The following SLC26A8 variants were observed in gnomAD, a reference collection of about 807,000 sequenced individuals.
The protein encoded by SLC26A8 is solute carrier family 26 member 8, also known as testis anion transporter 1.
A neutral mutation model predicts 105.0 loss-of-function variants in SLC26A8; 70 were observed. The observed-to-expected ratio is 0.67, with a 90% confidence interval of 0.55 to 0.81. The LOEUF is 0.81. Among genes scored for constraint, SLC26A8 ranks in the 40% least tolerant of loss-of-function variants. The pLI is 0.00. For missense variants in SLC26A8, 998 were observed against 1,181.8 expected (o/e 0.84, Z 2.28); for synonymous variants, 415 against 438.3 (o/e 0.95, Z 0.66).
chr6:35,993,659 G>A (rs1398910925), intron 5 of SLC26A8, among the ~76,000 whole-genome samples: 1 of 152,100 alleles, frequency 6.6e-6, no homozygotes, highest in Non-Finnish European at 1.5e-5. Context: ...GGGGAATGGG[G>A]TTAGATGTTG....
intron 5 of SLC26A8, 139 bp downstream of exon 5, chr6:35,997,599 C>T: frequency 1.2e-6 from 1 of 829,372 alleles, no homozygotes; most frequent in Non-Finnish European, 1.8e-6. Flanking sequence ...GCTATTCACA[C>T]AGCCTCTGAT....
intron 19 of SLC26A8, among the ~76,000 whole-genome samples, chr6:35,949,003 A>C (rs909563966): frequency 2.0e-5 from 3 of 152,214 alleles, no homozygotes; most frequent in Non-Finnish European, 4.4e-5. Context: ...TTGATCTTGG[A>C]CTTCTCGCAT....
chr6:36,003,631 C>T (rs536269156), intron 3 of SLC26A8, among the ~76,000 whole-genome samples: 7 of 151,584 alleles, frequency 4.6e-5, no homozygotes, highest in East Asian at 3.9e-4. Context: ...CTTATTTTGG[C>T]GTTTATGATA....
At chr6:36,010,178 T>C (rs148495945) in intron 3 of SLC26A8, among the ~76,000 whole-genome samples, 9 of 152,268 alleles carry the variant, frequency 5.9e-5, no homozygotes, top group African/African-American at 2.2e-4. Flanking sequence ...AGACCAAAAC[T>C]GGAAACAAAA....
intron 5 of SLC26A8, 22 bp downstream of exon 5, chr6:35,997,716 G>A: frequency 6.2e-7 from 1 of 1,610,672 alleles, no homozygotes; most frequent in Non-Finnish European, 8.5e-7. Context: ...CCTTTTCAGG[G>A]ATTTGAAGAC....
intron 16 of SLC26A8, 119 bp from the exon 17 acceptor site, chr6:35,955,639 C>T (rs1005141659): frequency 7.2e-5 from 93 of 1,294,320 alleles, no homozygotes; most frequent in Non-Finnish European, 7.8e-5. Context: ...AAACTTCTCC[C>T]GAGAGTAGGT....
At chr6:36,007,238 G>A (rs1223542234) in intron 3 of SLC26A8, among the ~76,000 whole-genome samples, 1 of 152,070 alleles carries the variant, frequency 6.6e-6, no homozygotes, top group Non-Finnish European at 1.5e-5. Context: ...TTAATTCCAG[G>A]GAATCTACAA....
chr6:36,023,120 C>T (rs1318678670), intron 1 of SLC26A8, among the ~76,000 whole-genome samples: 1 of 151,716 alleles, frequency 6.6e-6, no homozygotes, highest in Non-Finnish European at 1.5e-5. Flanking sequence ...TGTTAAAATA[C>T]AAGCACTTTT....
rs78730900 is a variant in SLC26A8 at position 35,967,324 on chromosome 6, G to A, written c.1365+1553C>T. Among the ~76,000 whole-genome samples, 108 of 152,292 alleles carry A rather than the reference G, an allele frequency of 7.1e-4. 1 individual carries two copies. The East Asian group carries it at 0.019, about 26-fold the overall frequency. On this transcript the variant is annotated intron_variant, in intron 11 of 19. Transcript: ENST00000490799. Reference sequence around the variant, plus strand: ...CAGCTTCAGGGACAGCCACCTCGGTGTGTAACCAAGCTGCTACATCCACAA... The same window carrying A: ...CAGCTTCAGGGACAGCCACCTCGGTATGTAACCAAGCTGCTACATCCACAA...
rs532396044 is a variant in SLC26A8, at chr6:35,949,795, T to TTG, written c.2472+1366_2472+1367dup. 1.7e-3 allele frequency among the ~76,000 whole-genome samples: 263 copies of TTG among 151,714 alleles called. 6 individuals are homozygous for TTG. The South Asian group carries it at 0.024, about 14-fold the overall frequency. Reference sequence around the variant, plus strand: ...TTTTTATTAACTACCAGTTAACTAGTTGTGTGTGTGTGTGTTTTTTTGTTT... The same window carrying TTG: ...TTTTTATTAACTACCAGTTAACTAGTTGTGTGTGTGTGTGTGTTTTTTTGTTT... On this transcript the variant is annotated intron_variant, in intron 19 of 19. Coordinates refer to ENST00000490799, the MANE Select transcript of SLC26A8 (RefSeq NM_052961.4).
chr6:36,009,228 G>A (rs1243022511), intron 3 of SLC26A8, among the ~76,000 whole-genome samples: 1 of 152,144 alleles, frequency 6.6e-6, no homozygotes, highest in African/African-American at 2.4e-5. Context: ...GCGTGCGCCT[G>A]TAATCCCAGC....
At chr6:35,977,441 T>TTTA in intron 8 of SLC26A8, 90 bp from the exon 9 acceptor site, 1 of 1,276,664 alleles carries the variant, frequency 7.8e-7, no homozygotes, top group African/African-American at 1.5e-5. Context: ...CTGTCCTGAT[T>TTTA]CTTTTTTTTT....
intron 3 of SLC26A8, among the ~76,000 whole-genome samples, chr6:36,009,525 T>C (rs1581694138): frequency 6.6e-6 from 1 of 152,216 alleles, no homozygotes; most frequent in East Asian, 1.9e-4. Context: ...TAAAAAGTTA[T>C]AAACAATTCA....
Position 36,000,096 on chromosome 6 carries a change from CTAAG to C in SLC26A8, c.337_340del (p.Leu113ValfsTer7). The C allele has an allele frequency of 1.2e-6, 2 of 1,613,010 alleles. No individual in the cohort carries two copies. The highest frequency in any genetic ancestry group is 1.3e-5 in the African/African-American group (1 of 74,998). On this transcript the variant is annotated frameshift_variant, in exon 4 of 20. Coordinates refer to ENST00000490799, the MANE Select transcript of SLC26A8 (RefSeq NM_052961.4). LOFTEE classifies it high-confidence loss of function. ...AGGAATCAGTTGCCTTGCCAGCAAA[CTAAG>C]TGTCAGGCCTGAAAAACAAGATAAT...
At chr6:35,986,831 A>C (rs998883846) in intron 7 of SLC26A8, among the ~76,000 whole-genome samples, 8 of 152,094 alleles carry the variant, frequency 5.3e-5, no homozygotes, top group African/African-American at 1.7e-4. Flanking sequence ...CATGTCTGTC[A>C]ACTAATACCT....
rs1773076765 is a variant in SLC26A8, at chr6:35,977,310, T to C, written c.1067A>G (p.Lys356Arg). ...TAAGGAGAAGGCTTGTAAAATTATC[T>C]TGGGAAGAAGGCTGAAATCTGGTGT... ...PVTPDFSLLP[K>R]IILQAFSLSL... Residue 356 changes from lysine (K) to arginine (R), a missense_variant, in exon 9 of 20, where the codon AAG becomes AGG. Coordinates refer to ENST00000490799, the MANE Select transcript of SLC26A8 (RefSeq NM_052961.4). The C allele has an allele frequency of 1.2e-6, 2 of 1,613,882 alleles. No individual in the cohort carries two copies. The highest frequency in any genetic ancestry group is 1.1e-5 in the South Asian group (1 of 91,044).
At position 35,989,487 on chromosome 6, in the gene SLC26A8, A is replaced by G. The variant is rs1773666026; in HGVS notation, c.942+2172T>C. The stretch of plus-strand genomic sequence containing the variant: ...ACTCTCTTGTAGGAAATCATTACAC[A>G]CATTACAATATGTTACCTTTTGTGT... On this transcript the variant is annotated intron_variant, in intron 7 of 19. Transcript: ENST00000490799. 1.3e-5 allele frequency: 2 copies of G among 152,202 alleles called. 1 individual carries two copies. Among genetic ancestry groups the G allele is most frequent in the Non-Finnish European group, 2.9e-5 (2 of 68,040 alleles). 9.4% of individuals were successfully genotyped at this position (152,202 alleles called of 1,614,324 possible).
chr6:35,955,559 C>T, intron 16 of SLC26A8, 39 bp from the exon 17 acceptor site: 2 of 1,597,836 alleles, frequency 1.3e-6, no homozygotes, highest in South Asian at 1.1e-5. Flanking sequence ...TGGTAAGACA[C>T]CAACAAGGGC....
At chr6:35,982,039 A>G in intron 8 of SLC26A8, 82 bp downstream of exon 8, 1 of 1,426,668 alleles carries the variant, frequency 7.0e-7, no homozygotes, top group Non-Finnish European at 9.8e-7. Flanking sequence ...GCTAGTAGAA[A>G]ATATCAATCA....
Sources: allele counts gnomAD v4.1 joint callset (sites outside exome capture counted in the v4.1 genomes callset), GRCh38; gene constraint gnomAD v4.1.1; transcripts MANE v1.5; gene names NCBI Gene and HGNC (gene_info 2026-07-23, HGNC 2026-07-21).